Variants in LIN7A observed in about 807,000 individuals in gnomAD.
LIN7A encodes the protein protein lin-7 homolog A.
In LIN7A, 25 loss-of-function variants were observed where a neutral mutation model predicts 29.8. The observed-to-expected ratio is 0.84, with a 90% CI of 0.61 to 1.17. The LOEUF (loss-of-function observed/expected upper bound fraction) is 1.17, where lower values mean the gene tolerates loss of function less well. LIN7A is among the 50% of genes most tolerant of loss of function. The pLI is 0.00. For missense variants in LIN7A, 239 were observed against 287.0 expected (o/e 0.83, Z 1.21); for synonymous variants, 118 against 107.5 (o/e 1.10, Z -0.60).
intron 2 of LIN7A, among the ~76,000 whole-genome samples, chr12:80,868,484 T>C (rs1295309560): frequency 6.6e-6 from 1 of 152,118 alleles, no homozygotes. Flanking sequence ...GGGAGACTTG[T>C]TTGAACCTGG....
chr12:80,865,064 A>G (rs186582966), intron 2 of LIN7A, among the ~76,000 whole-genome samples: 155 of 152,298 alleles, frequency 1.0e-3, no homozygotes, highest in African/African-American at 3.5e-3. Flanking sequence ...TTTATTGGAG[A>G]TAATTGTCAG....
At chr12:80,822,647 G>A (rs1036017568) in intron 4 of LIN7A, among the ~76,000 whole-genome samples, 5 of 152,114 alleles carry the variant, frequency 3.3e-5, no homozygotes, top group African/African-American at 1.2e-4. Context: ...CAACACATGG[G>A]CATTATGGGA....
At position 80,845,752 on chromosome 12, in the gene LIN7A, T is replaced by C; in HGVS notation, c.461A>G (p.Gln154Arg). ...ERHGGLKRGD[Q>R]LLSVNGVSVE... ...TACCACTCCGTTCACTGATAGCAGC[T>C]GGTCTCCTCTTTTGAGGCCTCCGTG... is the stretch of plus-strand genomic sequence containing the variant. Residue 154 changes from glutamine (Q) to arginine (R), a missense_variant, in exon 4 of 6, where the codon CAG becomes CGG. By Grantham distance (43) the Gln-to-Arg change is conservative. Coordinates refer to ENST00000552864, the MANE Select transcript of LIN7A (RefSeq NM_004664.4). The C allele has an allele frequency of 1.2e-6, 2 of 1,613,696 alleles. No homozygotes were observed. Among genetic ancestry groups the C allele is most frequent in the Non-Finnish European group, 8.5e-7 (1 of 1,179,822 alleles).
At chr12:80,919,253 G>T (rs1302119918) in intron 1 of LIN7A, among the ~76,000 whole-genome samples, 1 of 152,184 alleles carries the variant, frequency 6.6e-6, no homozygotes, top group Non-Finnish European at 1.5e-5. Flanking sequence ...TGCTAGGTGA[G>T]AATAACTTAT....
intron 2 of LIN7A, among the ~76,000 whole-genome samples, chr12:80,882,520 G>A (rs1875112631): frequency 6.6e-6 from 1 of 151,122 alleles, no homozygotes; most frequent in East Asian, 1.9e-4. Context: ...TCCTGACCTC[G>A]TGATCCGCCC....
chr12:80,901,587 G>A (rs1876216609), intron 1 of LIN7A, among the ~76,000 whole-genome samples: 2 of 151,928 alleles, frequency 1.3e-5, no homozygotes, highest in African/African-American at 2.4e-5. Context: ...CCCTTTTATA[G>A]TGTTCAGGGA....
intron 5 of LIN7A, among the ~76,000 whole-genome samples, chr12:80,804,109 A>C (rs1870856535): frequency 6.6e-6 from 1 of 152,026 alleles, no homozygotes; most frequent in Non-Finnish European, 1.5e-5. Flanking sequence ...TACATGATAT[A>C]TATATTTATG....
At chr12:80,856,340 G>A (rs7294802) in intron 2 of LIN7A, among the ~76,000 whole-genome samples, 64,609 of 152,068 alleles carry the variant, frequency 0.42, 14,192 homozygotes, top group East Asian at 0.68. Flanking sequence ...TTGTTAGGTC[G>A]AAATGAGTTA....
intron 1 of LIN7A, among the ~76,000 whole-genome samples, chr12:80,897,481 G>C (rs1292481715): frequency 6.6e-6 from 1 of 152,128 alleles, no homozygotes; most frequent in Non-Finnish European, 1.5e-5. Context: ...CAATTTTGGT[G>C]TCCAGCATAG....
At chr12:80,928,608 G>A (rs1358212149) in intron 1 of LIN7A, among the ~76,000 whole-genome samples, 2 of 152,062 alleles carry the variant, frequency 1.3e-5, no homozygotes, top group Non-Finnish European at 2.9e-5. Context: ...TGTCAGATGG[G>A]TAGATTGCAA....
chr12:80,800,172 A>G (rs190672381), intron 5 of LIN7A, among the ~76,000 whole-genome samples: 57 of 152,206 alleles, frequency 3.7e-4, no homozygotes, highest in Admixed American at 1.9e-3. Flanking sequence ...TTGATAACCT[A>G]GATGAAATGG....
At chr12:80,798,964 C>T (rs900048690) in intron 5 of LIN7A, among the ~76,000 whole-genome samples, 21 of 152,088 alleles carry the variant, frequency 1.4e-4, no homozygotes, top group Non-Finnish European at 2.8e-4. Context: ...AACTCCTGAC[C>T]GCAGGTAATC....
intron 5 of LIN7A, among the ~76,000 whole-genome samples, chr12:80,803,241 G>C (rs553679767): frequency 6.6e-5 from 10 of 152,118 alleles, no homozygotes; most frequent in African/African-American, 2.4e-4. Flanking sequence ...TTTCATTTTC[G>C]TCTAGTAGTT....
intron 4 of LIN7A, among the ~76,000 whole-genome samples, chr12:80,839,888 A>C (rs1174459332): frequency 6.6e-6 from 1 of 152,246 alleles, no homozygotes; most frequent in Non-Finnish European, 1.5e-5. Context: ...ATCAATTAGC[A>C]ATCTGTATAC....
At chr12:80,859,445 A>T (rs1354483064) in intron 2 of LIN7A, among the ~76,000 whole-genome samples, 3 of 152,120 alleles carry the variant, frequency 2.0e-5, no homozygotes, top group Non-Finnish European at 4.4e-5. Context: ...TCAGAGGGAA[A>T]ATGTACGCTA....
chr12:80,846,944 A>G (rs546166222), intron 3 of LIN7A, among the ~76,000 whole-genome samples: 10 of 152,222 alleles, frequency 6.6e-5, no homozygotes, highest in Non-Finnish European at 1.0e-4. Context: ...CTTACTCAAC[A>G]CTGTGAAAAT....
Position 80,877,490 on chromosome 12 carries a change from T to C in LIN7A, c.201+11761A>G, listed in dbSNP as rs953036165. Among the ~76,000 whole-genome samples the C allele has an allele frequency of 2.0e-5, 3 of 152,124 alleles. No individual in the cohort carries two copies. The South Asian group carries it at 6.2e-4, about 31-fold the overall frequency. ...TAAACAAATAAAATTAAAATAAATA[T>C]ATTTTAGGAAAAAATACTGCAATCA... On this transcript the variant is annotated intron_variant, in intron 2 of 5. Coordinates refer to ENST00000552864, the MANE Select transcript of LIN7A (RefSeq NM_004664.4).
chr12:80,818,040 C>T lies in LIN7A; in HGVS notation c.484-6357G>A, dbSNP rs115251365. ...AGGATTAGGGGGTTATGATTCTCAA[C>T]TTTGAAAAGGCCCAGTATAACCAAG... is the stretch of plus-strand genomic sequence containing the variant. On this transcript the variant is annotated intron_variant, in intron 4 of 5. Coordinates refer to ENST00000552864, the MANE Select transcript of LIN7A (RefSeq NM_004664.4). Among the ~76,000 whole-genome samples the T allele has an allele frequency of 4.1e-3, 619 of 152,302 alleles. 4 individuals are homozygous for T. Among genetic ancestry groups the T allele is most frequent in the African/African-American group, 0.013 (557 of 41,570 alleles).
chr12:80,935,313 C>T (rs1400868122), intron 1 of LIN7A, among the ~76,000 whole-genome samples: 2 of 152,152 alleles, frequency 1.3e-5, no homozygotes, highest in African/African-American at 4.8e-5. Flanking sequence ...GGTACCAAAG[C>T]AGCCTGGGAG....
Sources: allele counts gnomAD v4.1 joint callset (sites outside exome capture counted in the v4.1 genomes callset), GRCh38; gene constraint gnomAD v4.1.1; transcripts MANE v1.5; gene names NCBI Gene and HGNC (gene_info 2026-07-23, HGNC 2026-07-21).